Variants in LRP1B observed in about 807,000 individuals in gnomAD.
LRP1B encodes LDL receptor related protein 1B, also known as low-density lipoprotein receptor-related protein 1B.
LRP1B carries 217 observed loss-of-function variants against 556.6 expected under a neutral mutation model. The observed-to-expected ratio is 0.39, with a 90% CI of 0.35 to 0.44. The LOEUF is 0.44. Among genes scored for constraint, LRP1B ranks in the 20% least tolerant of loss-of-function variants. The pLI is 1.00. For missense variants in LRP1B, 5,053 were observed against 5,620.8 expected (o/e 0.90, Z 3.23); for synonymous variants, 2,047 against 1,865.8 (o/e 1.10, Z -2.50).
chr2:141,179,210 G>C (rs937397850), intron 7 of LRP1B, among the ~76,000 whole-genome samples: 1 of 151,886 alleles, frequency 6.6e-6, no homozygotes, highest in Non-Finnish European at 1.5e-5. Flanking sequence ...GATCATTGTA[G>C]AGCTCCAAAC....
At chr2:141,686,257 T>C (rs1477081063) in intron 2 of LRP1B, among the ~76,000 whole-genome samples, 4 of 152,048 alleles carry the variant, frequency 2.6e-5, no homozygotes, top group Non-Finnish European at 4.4e-5. Context: ...CTTACTTTCA[T>C]TGATAGCATA....
intron 18 of LRP1B, among the ~76,000 whole-genome samples, chr2:140,952,773 C>G (rs1573916198): frequency 6.6e-6 from 1 of 152,078 alleles, no homozygotes. Flanking sequence ...TAACAGTAGT[C>G]AGAGAAAAAT....
At chr2:141,117,805 TC>T (rs1700944004) in intron 7 of LRP1B, among the ~76,000 whole-genome samples, 1 of 152,130 alleles carries the variant, frequency 6.6e-6, no homozygotes, top group East Asian at 1.9e-4. Context: ...AATGGGTCAT[TC>T]CCTGGCATGA....
At chr2:140,688,626 C>G (rs984532057) in intron 41 of LRP1B, among the ~76,000 whole-genome samples, 1 of 152,190 alleles carries the variant, frequency 6.6e-6, no homozygotes, top group African/African-American at 2.4e-5. Flanking sequence ...TCTTCCCAAT[C>G]AGTAAGTGAG....
intron 2 of LRP1B, among the ~76,000 whole-genome samples, chr2:141,645,031 G>A (rs1689500403): frequency 6.6e-6 from 1 of 152,032 alleles, no homozygotes; most frequent in South Asian, 2.1e-4. Context: ...CAATATTCAA[G>A]CTGATGATAT....
In LRP1B at chr2:140,541,882, T is replaced by C. The variant is rs1390288399; in HGVS notation, c.7284A>G (p.Ile2428Met). The C allele has an allele frequency of 6.2e-7, 1 of 1,612,940 alleles. No individual in the cohort carries two copies. Among genetic ancestry groups the C allele is most frequent in the East Asian group, 2.2e-5 (1 of 44,822 alleles). Reference sequence around the variant, plus strand: ...CTCCTGTGTACTTGTTGGACCGCAGTATAGCTCTTCTTCCCCAGTCCGACC... The same window carrying C: ...CTCCTGTGTACTTGTTGGACCGCAGCATAGCTCTTCTTCCCCAGTCCGACC... ...IFWSDWGRRA[I>M]LRSNKYTGGD... Residue 2428 changes from isoleucine to methionine, a missense_variant, in exon 44 of 91, where the codon ATA becomes ATG. Physicochemically the swap from Ile to Met is conservative, Grantham distance 10. Transcript: ENST00000389484.
intron 35 of LRP1B, among the ~76,000 whole-genome samples, chr2:140,727,839 A>C (rs892540216): frequency 6.6e-6 from 1 of 152,216 alleles, no homozygotes; most frequent in Non-Finnish European, 1.5e-5. Context: ...TTGATATTCC[A>C]TATTAAAAGG....
At chr2:140,869,263 G>T (rs1693049853) in intron 25 of LRP1B, among the ~76,000 whole-genome samples, 1 of 152,084 alleles carries the variant, frequency 6.6e-6, no homozygotes, top group South Asian at 2.1e-4. Context: ...TCTCTAGTAT[G>T]CATGTACTTT....
intron 7 of LRP1B, among the ~76,000 whole-genome samples, chr2:141,075,452 A>G (rs1242223452): frequency 2.0e-5 from 3 of 152,072 alleles, no homozygotes; most frequent in African/African-American, 7.2e-5. Context: ...CAAAGAATGG[A>G]GTTTATGTTT....
At chr2:141,523,880 G>T (rs1056363710) in intron 2 of LRP1B, among the ~76,000 whole-genome samples, 2 of 152,128 alleles carry the variant, frequency 1.3e-5, no homozygotes, top group African/African-American at 2.4e-5. Flanking sequence ...CATGCTAATT[G>T]AACACCCACT....
intron 83 of LRP1B, among the ~76,000 whole-genome samples, chr2:140,304,417 G>C (rs546474804): frequency 6.6e-6 from 1 of 152,164 alleles, no homozygotes; most frequent in Non-Finnish European, 1.5e-5. Context: ...CAGTGATGAT[G>C]AGCATTTTTT....
intron 83 of LRP1B, among the ~76,000 whole-genome samples, chr2:140,307,405 T>A (rs938343239): frequency 3.3e-5 from 5 of 152,010 alleles, no homozygotes; most frequent in African/African-American, 1.2e-4. Flanking sequence ...AAATTATCTA[T>A]GCTTAGGCTA....
At chr2:140,599,910 G>C (rs1441473) in intron 42 of LRP1B, among the ~76,000 whole-genome samples, 30,870 of 151,984 alleles carry the variant, frequency 0.2, 3,364 homozygotes, top group Middle Eastern at 0.29. Flanking sequence ...TGCGATTTAG[G>C]ATTTCATTTT....
At chr2:140,314,176 G>A (rs1416811673) in intron 83 of LRP1B, among the ~76,000 whole-genome samples, 1 of 151,916 alleles carries the variant, frequency 6.6e-6, no homozygotes, top group Non-Finnish European at 1.5e-5. Flanking sequence ...TGCATTTATG[G>A]TAGTAACATT....
chr2:140,739,745 C>A (rs764201235), intron 35 of LRP1B, among the ~76,000 whole-genome samples: 1 of 152,074 alleles, frequency 6.6e-6, no homozygotes, highest in Non-Finnish European at 1.5e-5. Flanking sequence ...ACTTATTCTC[C>A]CCATTCTCAG....
chr2:140,758,516 C>T (rs997563792), intron 35 of LRP1B, among the ~76,000 whole-genome samples: 3 of 151,754 alleles, frequency 2.0e-5, no homozygotes, highest in African/African-American at 4.8e-5. Flanking sequence ...TGAGGTTTGC[C>T]ATCAATAAGT....
chr2:141,705,126 G>T (rs1692090614), intron 2 of LRP1B, among the ~76,000 whole-genome samples: 1 of 151,820 alleles, frequency 6.6e-6, no homozygotes, highest in Non-Finnish European at 1.5e-5. Context: ...TCATTTACTG[G>T]GAAAACTGAG....
intron 2 of LRP1B, among the ~76,000 whole-genome samples, chr2:141,559,320 C>G (rs1426792243): frequency 6.6e-6 from 1 of 151,628 alleles, no homozygotes; most frequent in Non-Finnish European, 1.5e-5. Context: ...AGCAGTGCAA[C>G]TGACAACTTC....
At chr2:140,759,636 T>C (rs973548253) in intron 35 of LRP1B, among the ~76,000 whole-genome samples, 5 of 152,216 alleles carry the variant, frequency 3.3e-5, no homozygotes, top group African/African-American at 1.2e-4. Flanking sequence ...CATAAAGAAC[T>C]GGCAACTGTT....
Sources: allele counts gnomAD v4.1 joint callset (sites outside exome capture counted in the v4.1 genomes callset), GRCh38; gene constraint gnomAD v4.1.1; transcripts MANE v1.5; gene names NCBI Gene and HGNC (gene_info 2026-07-23, HGNC 2026-07-21).